The following CECR2 variants were observed in gnomAD, a reference collection of about 807,000 sequenced individuals.
CECR2 encodes chromatin remodeling regulator CECR2.
In CECR2, 30 loss-of-function variants were observed where a neutral mutation model predicts 154.5. The ratio of observed to expected loss-of-function variants is 0.19; its 90% CI spans 0.15 to 0.26. CECR2 has a LOEUF of 0.26. CECR2 is among the 10% of genes least tolerant of loss of function. The probability of loss-of-function intolerance (pLI) is 1.00; values close to 1 mark genes in which losing one functional copy is unlikely to be tolerated. For missense variants in CECR2, 1,743 were observed against 1,829.3 expected, an observed-to-expected ratio of 0.95 and a Z score of 0.86; for synonymous variants, 725 against 683.7, an observed-to-expected ratio of 1.06 and a Z score of -0.94.
chr22:17,516,557 C>G (rs569894383), intron 8 of CECR2, among the ~76,000 whole-genome samples: 1 of 152,216 alleles, frequency 6.6e-6, no homozygotes, highest in Non-Finnish European at 1.5e-5. Context: ...TTCCCCCTTG[C>G]TGTTCTTGTG....
At chr22:17,510,588 T>C (rs1854495695) in intron 7 of CECR2, among the ~76,000 whole-genome samples, 1 of 152,176 alleles carries the variant, frequency 6.6e-6, no homozygotes, top group Admixed American at 6.5e-5. Flanking sequence ...CATTAGGCAC[T>C]AGTCATTCTC....
At chr22:17,529,662 C>T (rs1403274946) in intron 9 of CECR2, among the ~76,000 whole-genome samples, 10 of 150,746 alleles carry the variant, frequency 6.6e-5, no homozygotes, top group African/African-American at 2.2e-4. Flanking sequence ...ATCGCCCCAC[C>T]GCACTCCAGC....
chr22:17,425,739 GGGTC>G (rs1339807548), intron 1 of CECR2, among the ~76,000 whole-genome samples: 1 of 71,226 alleles, frequency 1.4e-5, no homozygotes, highest in African/African-American at 6.3e-5. Context: ...GATAGACCAA[GGGTC>G]TAATCTAGAG....
intron 1 of CECR2, among the ~76,000 whole-genome samples, chr22:17,421,049 A>T (rs947207719): frequency 6.6e-6 from 1 of 152,212 alleles, no homozygotes; most frequent in East Asian, 1.9e-4. Context: ...AATAGAATAC[A>T]TTGTTGCCAT....
At chr22:17,447,452 T>C (rs984729772) in intron 1 of CECR2, among the ~76,000 whole-genome samples, 2 of 151,876 alleles carry the variant, frequency 1.3e-5, no homozygotes, top group African/African-American at 4.8e-5. Context: ...CGTGCCCGGC[T>C]GTTTACAATC....
intron 2 of CECR2, among the ~76,000 whole-genome samples, chr22:17,482,069 C>T (rs1328210781): frequency 2.2e-5 from 3 of 135,334 alleles, no homozygotes; most frequent in African/African-American, 8.5e-5. Context: ...AAGCCGAGAT[C>T]ACGCCACTGC....
At chr22:17,487,945 T>C (rs1469408883) in intron 2 of CECR2, among the ~76,000 whole-genome samples, 3 of 152,170 alleles carry the variant, frequency 2.0e-5, no homozygotes, top group Non-Finnish European at 4.4e-5. Flanking sequence ...TGCAATGGCC[T>C]GATCTCGACT....
At chr22:17,511,988 T>C in intron 8 of CECR2, 92 bp downstream of exon 8, 1 of 945,072 alleles carries the variant, frequency 1.1e-6, no homozygotes, top group Non-Finnish European at 1.6e-6. Context: ...TTTATTTTCC[T>C]TCATTTTTTT....
At chr22:17,362,892 ACT>A (rs2062983861) in intron 1 of CECR2, among the ~76,000 whole-genome samples, 1 of 126,332 alleles carries the variant, frequency 7.9e-6, no homozygotes, top group Non-Finnish European at 1.7e-5. Flanking sequence ...ACAGAGCGAA[ACT>A]CCGTCTCAAA....
intron 1 of CECR2, among the ~76,000 whole-genome samples, chr22:17,454,707 A>C (rs1011454637): frequency 7.2e-5 from 11 of 152,094 alleles, no homozygotes; most frequent in African/African-American, 2.4e-4. Flanking sequence ...TTAGTATCTT[A>C]TGAATGTGAC....
intron 16 of CECR2, among the ~76,000 whole-genome samples, chr22:17,546,057 A>T (rs1324226626): frequency 2.0e-5 from 3 of 151,986 alleles, no homozygotes; most frequent in East Asian, 1.9e-4. Context: ...CGACTCTTTT[A>T]AAAAAAGAAA....
intron 1 of CECR2, among the ~76,000 whole-genome samples, chr22:17,426,386 T>A (rs1316331962): frequency 6.6e-6 from 1 of 152,094 alleles, no homozygotes; most frequent in Non-Finnish European, 1.5e-5. Context: ...GAGACGAGTC[T>A]CTCTCTGTCT....
Position 17,511,518 on chromosome 22 carries a change from A to AT in CECR2, c.871-279dup, listed in dbSNP as rs36060157. Reference sequence around the variant, plus strand: ...TTTCCCTTTGTAATTTGGGAAGATAATTTTTTTTTTTTTTTTACTGTTTAA... The same window carrying AT: ...TTTCCCTTTGTAATTTGGGAAGATAATTTTTTTTTTTTTTTTTACTGTTTAA... On this transcript the variant is annotated intron_variant, in intron 7 of 18. Coordinates refer to ENST00000262608, the MANE Select transcript of CECR2 (RefSeq NM_001290047.2). Among the ~76,000 whole-genome samples the AT allele has an allele frequency of 9.8e-3, 1,438 of 146,486 alleles. 22 individuals carry two copies. The highest frequency in any genetic ancestry group is 0.032 in the African/African-American group (1,292 of 39,916).
intron 15 of CECR2, 56 bp from the exon 16 acceptor site, chr22:17,542,101 A>G: frequency 1.3e-6 from 2 of 1,580,278 alleles, no homozygotes; most frequent in South Asian, 1.2e-5. Context: ...GAAGCATGGC[A>G]CAAAGTGTGC....
chr22:17,494,642 T>TA (rs1354980320), intron 2 of CECR2, among the ~76,000 whole-genome samples: 5 of 152,228 alleles, frequency 3.3e-5, no homozygotes, highest in African/African-American at 9.6e-5. Flanking sequence ...AGTGAGATAG[T>TA]AAGAGTAGGG....
Position 17,552,917 on chromosome 22 carries a change from G to T in CECR2, c.*77G>T. 6.5e-7 allele frequency: 1 copy of T among 1,535,644 alleles called. No homozygotes were observed. The highest frequency in any genetic ancestry group is 8.8e-7 in the Non-Finnish European group (1 of 1,142,428). On this transcript the variant is annotated 3_prime_UTR_variant, in exon 19 of 19. Transcript: ENST00000262608. Reference sequence around the variant, plus strand: ...AATGTGGAGAACTGGGGAGTGCCCTGTCAGCTCTATTCCCATCACCTGCTC... The same window carrying T: ...AATGTGGAGAACTGGGGAGTGCCCTTTCAGCTCTATTCCCATCACCTGCTC...
In CECR2 at chr22:17,484,991, T is replaced by C. The variant is rs528384393; in HGVS notation, c.221+7309T>C. 3.3e-5 allele frequency among the ~76,000 whole-genome samples: 5 copies of C among 152,336 alleles called. No individual in the cohort carries two copies. The South Asian group carries it at 6.2e-4, about 19-fold the overall frequency. On this transcript the variant is annotated intron_variant, in intron 2 of 18. Transcript: ENST00000262608. ...CACTGACTCAATCTAATCTTTAAAA[T>C]TGAAATATAGAAGCCACATTTCCTT...
chr22:17,473,470 A>G (rs949092617), intron 1 of CECR2, among the ~76,000 whole-genome samples: 1 of 152,228 alleles, frequency 6.6e-6, no homozygotes, highest in African/African-American at 2.4e-5. Flanking sequence ...TGGATTTCCA[A>G]ATAGTTCTTG....
intron 1 of CECR2, among the ~76,000 whole-genome samples, chr22:17,439,918 T>C (rs1415210879): frequency 6.6e-6 from 1 of 151,932 alleles, no homozygotes; most frequent in East Asian, 1.9e-4. Flanking sequence ...TAGAATGAAA[T>C]GGACCTACAC....
Sources: gnomAD v4.1 joint callset for allele counts (sites outside exome capture counted in the v4.1 genomes callset) on GRCh38, gnomAD v4.1.1 for gene constraint, MANE v1.5 for transcripts, NCBI Gene and HGNC (gene_info 2026-07-23, HGNC 2026-07-21) for gene names.